FGD4: variants seen among roughly 807,000 people sequenced by gnomAD.
FGD4 encodes the protein FYVE, RhoGEF and PH domain containing 4, also known as FYVE, RhoGEF and PH domain-containing protein 4.
In FGD4, 42 loss-of-function variants were observed where a neutral mutation model predicts 102.0. The ratio of observed to expected loss-of-function variants is 0.41; its 90% CI spans 0.32 to 0.53. FGD4 has a LOEUF of 0.53. Among genes scored for constraint, FGD4 ranks in the 20% least tolerant of loss-of-function variants. The probability of loss-of-function intolerance (pLI) is 0.21; values close to 1 mark genes in which losing one functional copy is unlikely to be tolerated. For synonymous variants in FGD4, 380 were observed against 375.7 expected, an observed-to-expected ratio of 1.01 and a Z score of -0.13; for missense variants, 902 against 1,078.2, an observed-to-expected ratio of 0.84 and a Z score of 2.29.
chr12:32,514,977 A>G (rs533607377), intron 1 of FGD4, among the ~76,000 whole-genome samples: 13 of 152,208 alleles, frequency 8.5e-5, no homozygotes, highest in African/African-American at 3.1e-4. Flanking sequence ...TCAGCCTCCC[A>G]AAGTGTTGAG....
chr12:32,475,233 G>A (rs983875207), intron 1 of FGD4, among the ~76,000 whole-genome samples: 8 of 152,136 alleles, frequency 5.3e-5, no homozygotes, highest in African/African-American at 1.9e-4. Context: ...CGAGTAGGGT[G>A]CTAGTATTTT....
rs115404648 is a variant in FGD4 at position 32,566,747 on chromosome 12, G to A, written c.319+2458G>A. ...TTTCTCCTAACATTTGGGTGATGGA[G>A]GCAGAGAAGAGAAGGGGGTGTTAAT... On this transcript the variant is annotated intron_variant, in intron 2 of 16. Coordinates refer to ENST00000534526, the MANE Select transcript of FGD4 (RefSeq NM_001370298.3). Among the ~76,000 whole-genome samples, 702 of 152,230 alleles carry A rather than the reference G, an allele frequency of 4.6e-3. 7 individuals carry two copies. The highest frequency in any genetic ancestry group is 0.016 in the African/African-American group (649 of 41,522).
At chr12:32,562,374 T>A (rs533048407) in intron 1 of FGD4, among the ~76,000 whole-genome samples, 3 of 152,360 alleles carry the variant, frequency 2.0e-5, no homozygotes, top group African/African-American at 7.2e-5. Context: ...CTTGTAACTA[T>A]GACTGTTTTT....
At chr12:32,496,900 G>A (rs1469699035) in intron 1 of FGD4, among the ~76,000 whole-genome samples, 1 of 152,170 alleles carries the variant, frequency 6.6e-6, no homozygotes, top group Non-Finnish European at 1.5e-5. Context: ...GAATATTACT[G>A]TAATGAAAAC....
intron 14 of FGD4, among the ~76,000 whole-genome samples, chr12:32,630,543 A>G (rs1025918578): frequency 1.3e-5 from 2 of 151,900 alleles, no homozygotes; most frequent in Non-Finnish European, 2.9e-5. Context: ...GGCTGGGTGC[A>G]GTGGCTCATG....
chr12:32,560,109 G>A (rs892966622), intron 1 of FGD4, among the ~76,000 whole-genome samples: 1 of 152,132 alleles, frequency 6.6e-6, no homozygotes, highest in African/African-American at 2.4e-5. Flanking sequence ...AAAGCATCCA[G>A]ATTTTCCCCC....
chr12:32,512,183 T>C (rs1018997824), intron 1 of FGD4, among the ~76,000 whole-genome samples: 6 of 152,068 alleles, frequency 3.9e-5, no homozygotes, highest in Non-Finnish European at 7.4e-5. Context: ...GCAGTGGCTC[T>C]CACCTGTAAT....
chr12:32,631,186 A>G (rs1241533431), intron 14 of FGD4, among the ~76,000 whole-genome samples: 1 of 152,186 alleles, frequency 6.6e-6, no homozygotes, highest in Non-Finnish European at 1.5e-5. Context: ...TAGTTTGATC[A>G]TGATTTGGTC....
chr12:32,581,951 A>G lies in FGD4; in HGVS notation c.504-9A>G. The G allele has an allele frequency of 6.2e-7, 1 of 1,613,872 alleles. No individual in the cohort carries two copies. The highest frequency in any genetic ancestry group is 8.5e-7 in the Non-Finnish European group (1 of 1,179,844). On this transcript the variant is annotated splice_polypyrimidine_tract_variant and intron_variant, in intron 3 of 16. Transcript: ENST00000534526. The stretch of plus-strand genomic sequence containing the variant: ...TGTTTTCATGCTTCCTTTGTATTTT[A>G]TCTTTTAGCTCATTATCAAATTATA...
chr12:32,416,518 A>G (rs994464102), intron 1 of FGD4, among the ~76,000 whole-genome samples: 8 of 152,092 alleles, frequency 5.3e-5, no homozygotes, highest in Non-Finnish European at 5.9e-5. Flanking sequence ...TACGTTGGAC[A>G]TGCACACAAT....
At chr12:32,595,807 T>G (rs1947846121) in intron 4 of FGD4, among the ~76,000 whole-genome samples, 1 of 152,238 alleles carries the variant, frequency 6.6e-6, no homozygotes, top group African/African-American at 2.4e-5. Context: ...GACTGCATAG[T>G]TCTTATTTCC....
intron 1 of FGD4, among the ~76,000 whole-genome samples, chr12:32,402,117 ATTTTTTTTTTTTTTT>A (rs56852726): frequency 5.7e-5 from 6 of 105,204 alleles, no homozygotes; most frequent in Non-Finnish European, 7.5e-5. Flanking sequence ...TTGGCCAGGC[ATTTTTTTTTTTTTTT>A]TTTTTTTTTT....
chr12:32,440,866 C>T (rs1565741959), intron 1 of FGD4, among the ~76,000 whole-genome samples: 1 of 152,228 alleles, frequency 6.6e-6, no homozygotes, highest in African/African-American at 2.4e-5. Context: ...CCACCAGATG[C>T]AGTCCTTCCT....
At chr12:32,426,345 T>G (rs1415647797) in intron 1 of FGD4, among the ~76,000 whole-genome samples, 1 of 152,204 alleles carries the variant, frequency 6.6e-6, no homozygotes, top group Non-Finnish European at 1.5e-5. Context: ...TCGTTGGTTC[T>G]GTTTATGTGA....
chr12:32,625,878 A>G lies in FGD4; in HGVS notation c.2172+99A>G, dbSNP rs1375617420. ...ACAAAAAAATGACTTTCAACAAATC[A>G]CTTAATAAATTTATTTTGGTGCCAA... On this transcript the variant is annotated intron_variant, in intron 14 of 16. Coordinates refer to ENST00000534526, the MANE Select transcript of FGD4 (RefSeq NM_001370298.3). The G allele has an allele frequency of 8.5e-6, 13 of 1,526,402 alleles. No homozygotes were observed. In the East Asian group the frequency reaches 2.0e-4, roughly 24 times the overall value. The allele number at this position is 1,526,402 out of a possible 1,614,324, so 94.6% of individuals were successfully genotyped here.
At chr12:32,529,784 A>G (rs1753524224) in intron 1 of FGD4, among the ~76,000 whole-genome samples, 2 of 151,172 alleles carry the variant, frequency 1.3e-5, no homozygotes, top group Non-Finnish European at 1.5e-5. Flanking sequence ...CGGAAGTTGC[A>G]GTGAGCCAAA....
intron 1 of FGD4, among the ~76,000 whole-genome samples, chr12:32,485,093 G>A (rs1943856801): frequency 6.6e-6 from 1 of 152,150 alleles, no homozygotes; most frequent in African/African-American, 2.4e-5. Flanking sequence ...TTTTTGTAGA[G>A]ATGGGGTCTC....
At chr12:32,425,434 A>C (rs1015200675) in intron 1 of FGD4, among the ~76,000 whole-genome samples, 1 of 152,106 alleles carries the variant, frequency 6.6e-6, no homozygotes, top group Non-Finnish European at 1.5e-5. Flanking sequence ...TAGTCTATAT[A>C]TCTGTTTCAG....
rs190178928 is a variant in FGD4 at position 32,417,778 on chromosome 12, A to G, written c.166+17819A>G. Among the ~76,000 whole-genome samples the G allele has an allele frequency of 5.6e-4, 85 of 152,072 alleles. 1 individual carries two copies. The highest frequency in any genetic ancestry group is 2.1e-4 in the South Asian group (1 of 4,814). On this transcript the variant is annotated intron_variant, in intron 1 of 16. Transcript: ENST00000534526. ...TGCCAATTCCATTTTTAGTTTCTGCATAATTCTTTTTAGTTATTTCAGTCT... is the reference window on the plus strand; with the variant it reads ...TGCCAATTCCATTTTTAGTTTCTGCGTAATTCTTTTTAGTTATTTCAGTCT...
Sources: allele counts gnomAD v4.1 joint callset (sites outside exome capture counted in the v4.1 genomes callset), GRCh38; gene constraint gnomAD v4.1.1; transcripts MANE v1.5; gene names NCBI Gene and HGNC (gene_info 2026-07-23, HGNC 2026-07-21).